The following TOMM70 variants were observed in gnomAD, a reference collection of about 807,000 sequenced individuals.
TOMM70 encodes translocase of outer mitochondrial membrane 70, also known as mitochondrial import receptor subunit TOM70.
A neutral mutation model predicts 73.6 loss-of-function variants in TOMM70; 13 were observed. That is an observed-to-expected ratio of 0.18 (90% CI 0.11 to 0.28). TOMM70 has a LOEUF of 0.28. Among genes scored for constraint, TOMM70 ranks in the 10% least tolerant of loss-of-function variants. TOMM70 has a pLI of 1.00. For synonymous variants in TOMM70, 257 were observed against 271.2 expected, an observed-to-expected ratio of 0.95 and a Z score of 0.51; for missense variants, 609 against 747.5, an observed-to-expected ratio of 0.81 and a Z score of 2.16.
intron 5 of TOMM70, 28 bp from the exon 6 acceptor site, chr3:100,377,940 T>C: frequency 6.3e-7 from 1 of 1,589,578 alleles, no homozygotes; most frequent in South Asian, 1.1e-5. Context: ...CATAGGAAAT[T>C]ATTTACTAAG....
rs1308196470 is a variant in TOMM70, at chr3:100,386,799, A to G, written c.498+6T>C. On this transcript the variant is annotated splice_donor_region_variant and intron_variant, in intron 2 of 11. Coordinates refer to ENST00000284320, the MANE Select transcript of TOMM70 (RefSeq NM_014820.5). ...AGGAACAGAAGAAACAACCTAGAGT[A>G]CATACCAACTGTTCAAAGGCAGCAG... is the stretch of plus-strand genomic sequence containing the variant. 6.2e-7 allele frequency: 1 copy of G among 1,613,398 alleles called. No individual in the cohort carries two copies. The highest frequency in any genetic ancestry group is 1.3e-5 in the African/African-American group (1 of 74,994).
intron 4 of TOMM70, among the ~76,000 whole-genome samples, chr3:100,383,807 A>C (rs930295495): frequency 2.0e-5 from 3 of 152,210 alleles, no homozygotes; most frequent in Admixed American, 6.5e-5. Context: ...AGTGATGCCT[A>C]TGGTACTCTC....
intron 9 of TOMM70, among the ~76,000 whole-genome samples, chr3:100,370,867 AGAG>A (rs1026417366): frequency 3.4e-4 from 52 of 152,328 alleles, no homozygotes; most frequent in African/African-American, 1.1e-3. Context: ...AAAGTTCTGC[AGAG>A]GAGTTGTTCC....
rs1706419883 is a variant in TOMM70 at position 100,363,860 on chromosome 3, A to G, written c.*1704T>C. 1 of 152,212 alleles carries G rather than the reference A, an allele frequency of 6.6e-6. No individual in the cohort carries two copies. Among genetic ancestry groups the G allele is most frequent in the African/African-American group, 2.4e-5 (1 of 41,458 alleles). The allele number at this position is 152,212 out of a possible 1,614,324, so 9.4% of individuals were successfully genotyped here. ...ATCTTGAATTATATTAACTGCACCA[A>G]CTAATTAGTGACCTCCTCAATATTT... is the stretch of plus-strand genomic sequence containing the variant. On this transcript the variant is annotated 3_prime_UTR_variant, in exon 12 of 12. Coordinates refer to ENST00000284320, the MANE Select transcript of TOMM70 (RefSeq NM_014820.5).
chr3:100,377,293 A>G (rs879837474), intron 6 of TOMM70: 5 of 163,194 alleles, frequency 3.1e-5, no homozygotes, highest in African/African-American at 7.2e-5. Context: ...GCATATTTAT[A>G]CATTCTATTT....
chr3:100,368,530 T>G (rs1174198753), intron 10 of TOMM70, among the ~76,000 whole-genome samples: 1 of 152,208 alleles, frequency 6.6e-6, no homozygotes, highest in Non-Finnish European at 1.5e-5. Flanking sequence ...ATGTTCAGTT[T>G]GAAATTAAAA....
At chr3:100,395,761 T>A (rs779559723) in intron 1 of TOMM70, among the ~76,000 whole-genome samples, 1 of 152,188 alleles carries the variant, frequency 6.6e-6, no homozygotes, top group Non-Finnish European at 1.5e-5. Context: ...ACACTTGCTA[T>A]GCACCTGTAT....
At chr3:100,387,320 G>A (rs1025552246) in intron 1 of TOMM70, among the ~76,000 whole-genome samples, 2 of 151,988 alleles carry the variant, frequency 1.3e-5, no homozygotes, top group Non-Finnish European at 2.9e-5. Flanking sequence ...GGTGGCACAC[G>A]CCTGCAGTCC....
At position 100,400,733 on chromosome 3, in the gene TOMM70, C is replaced by A; in HGVS notation, c.217G>T (p.Asp73Tyr). Reference protein sequence around the residue: ...QRRREARGRGDASGLKRNSER... With the variant: ...QRRREARGRGYASGLKRNSER... Reference sequence around the variant, plus strand: ...CTGTTGCGCTTCAGGCCGCTGGCGTCGCCCCGGCCTCTGGCCTCCCGGCGC... The same window carrying A: ...CTGTTGCGCTTCAGGCCGCTGGCGTAGCCCCGGCCTCTGGCCTCCCGGCGC... Residue 73 changes from aspartate (D) to tyrosine (Y), a missense_variant, in exon 1 of 12, where the codon GAC (aspartate) becomes TAC (tyrosine). Physicochemically the swap from Asp to Tyr is radical, Grantham distance 160 (BLOSUM62 -3). Coordinates refer to ENST00000284320, the MANE Select transcript of TOMM70 (RefSeq NM_014820.5). 10 of 1,605,800 alleles carry A rather than the reference C, an allele frequency of 6.2e-6. No homozygotes were observed. Among genetic ancestry groups the A allele is most frequent in the Non-Finnish European group, 8.5e-6 (10 of 1,177,884 alleles).
At chr3:100,389,654 C>G (rs1423769820) in intron 1 of TOMM70, among the ~76,000 whole-genome samples, 1 of 146,116 alleles carries the variant, frequency 6.8e-6, no homozygotes, top group Non-Finnish European at 1.6e-5. Flanking sequence ...TCAAAAGCAT[C>G]ACATGATGTC....
At position 100,385,617 on chromosome 3, in the gene TOMM70, A is replaced by G. The variant is rs189178477; in HGVS notation, c.625+601T>C. Among the ~76,000 whole-genome samples the G allele has an allele frequency of 3.1e-3, 476 of 152,348 alleles. 1 individual carries two copies. The highest frequency in any genetic ancestry group is 0.01 in the African/African-American group (429 of 41,586). On this transcript the variant is annotated intron_variant, in intron 3 of 11. Coordinates refer to ENST00000284320, the MANE Select transcript of TOMM70 (RefSeq NM_014820.5). ...GTATACTGTTAATTGCAGCTTTGGA[A>G]GCAGAGAAATGGCCAATCAGAGACC... is the stretch of plus-strand genomic sequence containing the variant.
In TOMM70 at chr3:100,365,596, T is replaced by C. The variant is rs1270426552; in HGVS notation, c.1795A>G (p.Lys599Glu). 1 of 1,614,072 alleles carries C rather than the reference T, an allele frequency of 6.2e-7. No individual in the cohort carries two copies. The highest frequency in any genetic ancestry group is 1.3e-5 in the African/African-American group (1 of 74,936). The change falls in exon 12 of 12, where the codon AAG (lysine) becomes GAG (glutamate). Residue 599 changes from lysine (K) to glutamate (E), a missense_variant. Physicochemically the swap from Lys to Glu is moderately conservative, Grantham distance 56. This residue lies in a region of TOMM70 where 432 missense variants were observed against 584.1 expected (regional missense o/e 0.74). Transcript: ENST00000284320. ...DAAHAQTEVAKKYGLKPPTL is the reference protein window; with the variant it reads ...DAAHAQTEVAEKYGLKPPTL ...GTTGGTGGTTTTAATCCGTATTTCT[T>C]TGCAACTTCTGTCTGGGCATGGGCG...
chr3:100,386,195 T>C (rs750986878), intron 3 of TOMM70, 23 bp downstream of exon 3: 7 of 1,596,808 alleles, frequency 4.4e-6, no homozygotes, highest in African/African-American at 2.7e-5. Context: ...AATTTTCATA[T>C]GTAAACACAA....
chr3:100,393,207 C>G (rs1706782759), intron 1 of TOMM70, among the ~76,000 whole-genome samples: 1 of 150,934 alleles, frequency 6.6e-6, no homozygotes, highest in Admixed American at 6.6e-5. Context: ...AGGGAACCAA[C>G]CTAAGTGCCC....
chr3:100,379,178 G>C (rs900441533), intron 5 of TOMM70, among the ~76,000 whole-genome samples: 1 of 148,194 alleles, frequency 6.7e-6, no homozygotes, highest in Non-Finnish European at 1.5e-5. Flanking sequence ...CTTTTATGGA[G>C]ATGCTTGTAG....
At position 100,365,221 on chromosome 3, in the gene TOMM70, T is replaced by C. The variant is rs1308269760; in HGVS notation, c.*343A>G. The C allele has an allele frequency of 1.8e-5, 4 of 223,776 alleles. No homozygotes were observed. The highest frequency in any genetic ancestry group is 1.8e-5 in the Non-Finnish European group (2 of 111,106). 13.9% of individuals were successfully genotyped at this position (223,776 alleles called of 1,614,324 possible). A position where few individuals can be genotyped will look rare whatever the true frequency, so the allele number is the denominator to read the frequency against. On this transcript the variant is annotated 3_prime_UTR_variant, in exon 12 of 12. Coordinates refer to ENST00000284320, the MANE Select transcript of TOMM70 (RefSeq NM_014820.5). ...ATTCACACATATATAGACGGAATCA[T>C]CCAGAACATAATCAACTGCCAACCC...
chr3:100,387,226 C>G (rs1706701539), intron 1 of TOMM70, among the ~76,000 whole-genome samples: 1 of 152,118 alleles, frequency 6.6e-6, no homozygotes, highest in Admixed American at 6.5e-5. Flanking sequence ...GCGGGTGGAT[C>G]ACTTGAGGCC....
intron 1 of TOMM70, 22 bp downstream of exon 1, chr3:100,400,604 A>G: frequency 6.2e-7 from 1 of 1,605,548 alleles, no homozygotes; most frequent in Non-Finnish European, 8.5e-7. Flanking sequence ...TTCCTCCTCT[A>G]CGGCCTGGGG....
intron 4 of TOMM70, among the ~76,000 whole-genome samples, chr3:100,383,664 A>C (rs150568882): frequency 6.6e-6 from 1 of 152,340 alleles, no homozygotes; most frequent in Non-Finnish European, 1.5e-5. Flanking sequence ...CACTCAGCTA[A>C]TATCCAGAGA....
Sources: allele counts gnomAD v4.1 joint callset (sites outside exome capture counted in the v4.1 genomes callset), GRCh38; gene constraint gnomAD v4.1.1; regional missense constraint gnomAD v4.1.1; transcripts MANE v1.5; gene names NCBI Gene and HGNC (gene_info 2026-07-23, HGNC 2026-07-21).